The following FRRS1 variants were observed in gnomAD, a reference collection of about 807,000 sequenced individuals.
The protein encoded by FRRS1 is ferric reductase 1.
A neutral mutation model predicts 70.7 loss-of-function variants in FRRS1; 51 were observed. The ratio of observed to expected loss-of-function variants is 0.72; its 90% CI spans 0.58 to 0.91. The LOEUF (loss-of-function observed/expected upper bound fraction) is 0.91. Ranked by LOEUF, FRRS1 falls within the 40% of genes least tolerant of loss-of-function variation. FRRS1 has a pLI of 0.00. For synonymous variants in FRRS1, 225 were observed against 238.7 expected, an observed-to-expected ratio of 0.94 and a Z score of 0.53; for missense variants, 672 against 726.0, an observed-to-expected ratio of 0.93 and a Z score of 0.86.
intron 9 of FRRS1, among the ~76,000 whole-genome samples, chr1:99,722,394 C>A (rs143501113): frequency 1.3e-4 from 20 of 152,260 alleles, no homozygotes; most frequent in Non-Finnish European, 1.8e-4. Context: ...CGCATGTGTA[C>A]ATTCACACAA....
At chr1:99,755,799 G>A (rs571637675) in intron 1 of FRRS1, among the ~76,000 whole-genome samples, 2 of 152,180 alleles carry the variant, frequency 1.3e-5, no homozygotes, top group Non-Finnish European at 2.9e-5. Context: ...AATTATTTGA[G>A]CAAGAAGTAT....
At chr1:99,756,127 C>T (rs967072960) in intron 1 of FRRS1, among the ~76,000 whole-genome samples, 1 of 152,158 alleles carries the variant, frequency 6.6e-6, no homozygotes, top group Non-Finnish European at 1.5e-5. Context: ...TAAGCTATTA[C>T]ATTATGAAAT....
intron 13 of FRRS1, 103 bp downstream of exon 13, chr1:99,712,315 T>C: frequency 2.0e-6 from 2 of 1,010,840 alleles, no homozygotes; most frequent in South Asian, 1.6e-5. Context: ...AATTTATCAC[T>C]GAATTTTATA....
chr1:99,741,108 C>A (rs377333420), intron 5 of FRRS1, among the ~76,000 whole-genome samples, 168 bp from the exon 6 acceptor site: 4 of 152,192 alleles, frequency 2.6e-5, no homozygotes, highest in Non-Finnish European at 4.4e-5. Context: ...CTCTCCCACC[C>A]GATCACTTGA....
At chr1:99,740,677 T>A in intron 6 of FRRS1, 116 bp downstream of exon 6, 1 of 715,200 alleles carries the variant, frequency 1.4e-6, no homozygotes, top group East Asian at 2.5e-5. Flanking sequence ...ACACCTGTAA[T>A]TCCAAGCACT....
chr1:99,740,381 A>T (rs1466452813), intron 6 of FRRS1, among the ~76,000 whole-genome samples: 2 of 152,194 alleles, frequency 1.3e-5, no homozygotes, highest in East Asian at 1.9e-4. Context: ...GGCTTCCTTC[A>T]GATTCCTACA....
chr1:99,723,811 C>T (rs992371474), intron 9 of FRRS1, among the ~76,000 whole-genome samples: 1 of 152,230 alleles, frequency 6.6e-6, no homozygotes, highest in Non-Finnish European at 1.5e-5. Context: ...GGTGTTAGGA[C>T]ACCTGGTTAC....
rs373802365 is a variant in FRRS1, at chr1:99,710,828, A to C, written c.1602T>G (p.His534Gln). The C allele has an allele frequency of 5.0e-6, 8 of 1,613,930 alleles. No individual in the cohort carries two copies. The highest frequency in any genetic ancestry group is 3.3e-5 in the Admixed American group (2 of 59,990). ...TACCTTTGCGAGAGAGCCGATAAGCATGTACCTCCAGAACAACCTCAGTCC... is the reference window on the plus strand; with the variant it reads ...TACCTTTGCGAGAGAGCCGATAAGCCTGTACCTCCAGAACAACCTCAGTCC... ...HVGTEVVLEV[H>Q]AYRLSRKVEI... Residue 534 changes from histidine to glutamine, a missense_variant, in exon 15 of 17, where the codon CAT (histidine) becomes CAG (glutamine). Physicochemically the swap from His to Gln is conservative, Grantham distance 24. Transcript: ENST00000646001.
chr1:99,744,035 GA>G (rs1335712064), intron 4 of FRRS1, among the ~76,000 whole-genome samples: 1 of 125,820 alleles, frequency 7.9e-6, no homozygotes, highest in Non-Finnish European at 1.6e-5. Flanking sequence ...GCCATATCAA[GA>G]TAAATGAATC....
At chr1:99,717,546 A>G (rs780924481) in intron 10 of FRRS1, 21 bp from the exon 11 acceptor site, 2 of 1,464,392 alleles carry the variant, frequency 1.4e-6, no homozygotes, top group South Asian at 2.3e-5. Context: ...GATAAATGCA[A>G]TAGTAGACAA....
At chr1:99,761,889 T>C (rs1190654484) in intron 1 of FRRS1, among the ~76,000 whole-genome samples, 1 of 152,046 alleles carries the variant, frequency 6.6e-6, no homozygotes. Context: ...AGTAGAAGAG[T>C]TAACAATTAC....
intron 8 of FRRS1, among the ~76,000 whole-genome samples, chr1:99,729,302 A>G (rs1655228071): frequency 6.9e-6 from 1 of 144,138 alleles, no homozygotes; most frequent in African/African-American, 2.9e-5. Context: ...CTAGTCAAGA[A>G]ATTTTGTCAC....
rs780003783 is a variant in FRRS1 at position 99,710,940 on chromosome 1, A to T, written c.1490T>A (p.Met497Lys). 3 of 1,612,978 alleles carry T rather than the reference A, an allele frequency of 1.9e-6. No individual in the cohort carries two copies. Among genetic ancestry groups the T allele is most frequent in the African/African-American group, 2.7e-5 (2 of 74,906 alleles). The change falls in exon 15 of 17, where the codon ATG becomes AAG. Residue 497 changes from methionine (M) to lysine (K), a missense_variant. Physicochemically the swap from Met to Lys is moderately conservative, Grantham distance 95. Transcript: ENST00000646001. ...TAARIIAVAA[M>K]FLGMDLPGLN... ...TCCTGGTAAATCCATTCCCAGGAAC[A>T]TCGCTGCCACTACATACAAAAGAAA... is the stretch of plus-strand genomic sequence containing the variant.
chr1:99,737,459 A>C (rs2100958101), intron 7 of FRRS1, among the ~76,000 whole-genome samples: 2 of 152,336 alleles, frequency 1.3e-5, no homozygotes, highest in Admixed American at 1.3e-4. Flanking sequence ...AAAGCATTAC[A>C]AAAAACATGA....
chr1:99,761,779 C>T (rs1657121705), intron 1 of FRRS1, among the ~76,000 whole-genome samples: 1 of 144,044 alleles, frequency 6.9e-6, no homozygotes, highest in Non-Finnish European at 1.5e-5. Flanking sequence ...CTGAAGCTCA[C>T]AGAGCTTATA....
At position 99,748,701 on chromosome 1, in the gene FRRS1, T is replaced by C. The variant is rs954197259; in HGVS notation, c.68A>G (p.Tyr23Cys). Residue 23 changes from tyrosine (Y) to cysteine (C), a missense_variant, in exon 3 of 17, where the codon TAT becomes TGT. Tyr to Cys is a radical substitution (Grantham distance 194). Transcript: ENST00000646001. ...LLLHISYVAN[Y>C]PNGKVTQSCH... ...TGACTGTGTTACTTTTCCATTGGGA[T>C]AATTAGCCACATAACTAATGTGCAA... The C allele has an allele frequency of 1.9e-6, 3 of 1,614,060 alleles. No individual in the cohort carries two copies. Among genetic ancestry groups the C allele is most frequent in the African/African-American group, 2.7e-5 (2 of 75,046 alleles).
At chr1:99,754,289 G>C (rs527308157) in intron 1 of FRRS1, among the ~76,000 whole-genome samples, 1 of 152,188 alleles carries the variant, frequency 6.6e-6, no homozygotes, top group African/African-American at 2.4e-5. Flanking sequence ...AACATAATGA[G>C]ACTGTCTGTA....
chr1:99,745,730 G>C (rs564995026), intron 4 of FRRS1, among the ~76,000 whole-genome samples: 3 of 152,136 alleles, frequency 2.0e-5, no homozygotes, highest in Non-Finnish European at 4.4e-5. Flanking sequence ...TTGGATATTT[G>C]TCCCCACCCA....
chr1:99,728,353 G>A (rs1003451686), intron 9 of FRRS1, 140 bp downstream of exon 9: 1 of 735,654 alleles, frequency 1.4e-6, no homozygotes, highest in Non-Finnish European at 2.2e-6. Flanking sequence ...CCTTTATCCA[G>A]TTTCTGGCAA....
Sources: allele counts gnomAD v4.1 joint callset (sites outside exome capture counted in the v4.1 genomes callset), GRCh38; gene constraint gnomAD v4.1.1; transcripts MANE v1.5; gene names NCBI Gene and HGNC (gene_info 2026-07-23, HGNC 2026-07-21).